The following ICA1L variants were observed in gnomAD, a reference collection of about 807,000 sequenced individuals.
ICA1L encodes islet cell autoantigen 1 like.
In ICA1L, 50 loss-of-function variants were observed where a neutral mutation model predicts 61.3. The ratio of observed to expected loss-of-function variants is 0.82; its 90% CI spans 0.65 to 1.03. The LOEUF (loss-of-function observed/expected upper bound fraction) is 1.03, where lower values mean the gene tolerates loss of function less well. Among genes scored for constraint, ICA1L ranks in the 50% least tolerant of loss-of-function variants. The pLI is 0.00. For missense variants in ICA1L, 508 were observed against 556.7 expected, an observed-to-expected ratio of 0.91 and a Z score of 0.88; for synonymous variants, 161 against 191.3, an observed-to-expected ratio of 0.84 and a Z score of 1.31.
intron 6 of ICA1L, among the ~76,000 whole-genome samples, chr2:202,816,565 G>C (rs1693542742): frequency 6.6e-6 from 1 of 152,140 alleles, no homozygotes; most frequent in Admixed American, 6.6e-5. Flanking sequence ...AGGATGAATG[G>C]AGAGAATAAA....
At chr2:202,813,826 T>C (rs1693449041) in intron 8 of ICA1L, among the ~76,000 whole-genome samples, 1 of 152,234 alleles carries the variant, frequency 6.6e-6, no homozygotes, top group Admixed American at 6.5e-5. Context: ...CAACAGCCCG[T>C]ATTTTCAGGT....
intron 9 of ICA1L, among the ~76,000 whole-genome samples, chr2:202,806,501 C>T (rs553060954): frequency 1.3e-5 from 2 of 151,848 alleles, no homozygotes; most frequent in South Asian, 4.1e-4. Flanking sequence ...CAAAAAATAG[C>T]TGGGTGAGGT....
At chr2:202,793,956 A>C (rs1692836531) in intron 10 of ICA1L, among the ~76,000 whole-genome samples, 1 of 148,462 alleles carries the variant, frequency 6.7e-6, no homozygotes, top group Non-Finnish European at 1.5e-5. Context: ...ATTGTGCTCC[A>C]GCCGGGGCAA....
chr2:202,798,739 T>C (rs967190487), intron 9 of ICA1L, among the ~76,000 whole-genome samples: 1 of 152,200 alleles, frequency 6.6e-6, no homozygotes, highest in African/African-American at 2.4e-5. Context: ...TGTTTGTTTG[T>C]ATCCTGTAAC....
intron 1 of ICA1L, among the ~76,000 whole-genome samples, chr2:202,829,818 ACTTT>A (rs1031923574): frequency 2.6e-5 from 4 of 152,224 alleles, no homozygotes; most frequent in East Asian, 1.9e-4. Context: ...GATGTTTATT[ACTTT>A]CTAAGTTTTG....
rs2036927 is a variant in ICA1L at position 202,775,990 on chromosome 2, T to G, written c.*3543A>C. The G allele has an allele frequency of 3.3e-5, 5 of 152,076 alleles. No homozygotes were observed. The highest frequency in any genetic ancestry group is 5.9e-5 in the Non-Finnish European group (4 of 68,000). 9.4% of individuals were successfully genotyped at this position (152,076 alleles called of 1,614,324 possible). ...ACTCTTGTTTTATGCCTTCTTGCAA[T>G]CTTTATTAAAAGAGGCTCAGAAAAA... is the stretch of plus-strand genomic sequence containing the variant. On this transcript the variant is annotated 3_prime_UTR_variant, in exon 13 of 13. Coordinates refer to ENST00000358299, the MANE Select transcript of ICA1L (RefSeq NM_001288622.3).
intron 5 of ICA1L, 51 bp from the exon 6 acceptor site, chr2:202,817,594 ATGT>A (rs1378938626): frequency 4.8e-6 from 5 of 1,045,954 alleles, no homozygotes; most frequent in Non-Finnish European, 6.8e-6. Flanking sequence ...TAAATATAGT[ATGT>A]TATTACAGAC....
intron 1 of ICA1L, among the ~76,000 whole-genome samples, chr2:202,863,552 C>T (rs549626098): frequency 2.6e-5 from 4 of 151,954 alleles, no homozygotes; most frequent in South Asian, 2.1e-4. Flanking sequence ...AGGCCGGGCG[C>T]GGTGGCTCAC....
At position 202,774,344 on chromosome 2, in the gene ICA1L, C is replaced by A. The variant is rs1692151181; in HGVS notation, c.*5189G>T. 15 of 1,383,576 alleles carry A rather than the reference C, an allele frequency of 1.1e-5. No homozygotes were observed. The highest frequency in any genetic ancestry group is 1.4e-5 in the Non-Finnish European group (15 of 1,076,580). The allele number at this position is 1,383,576 out of a possible 1,614,324, so 85.7% of individuals were successfully genotyped here. Reference sequence around the variant, plus strand: ...TCCCCGCAGCGCTGAGGCGAGCCTGCCGCGCGCTCCGCTCAGCGTGGTCTG... The same window carrying A: ...TCCCCGCAGCGCTGAGGCGAGCCTGACGCGCGCTCCGCTCAGCGTGGTCTG... On this transcript the variant is annotated 3_prime_UTR_variant, in exon 13 of 13. Transcript: ENST00000358299.
intron 9 of ICA1L, among the ~76,000 whole-genome samples, chr2:202,808,552 C>A (rs1327713357): frequency 1.3e-5 from 2 of 152,118 alleles, no homozygotes; most frequent in African/African-American, 4.8e-5. Flanking sequence ...GAGAACGACA[C>A]AAGCCAGGCT....
chr2:202,859,339 T>C (rs1694850173), intron 1 of ICA1L, among the ~76,000 whole-genome samples: 1 of 152,198 alleles, frequency 6.6e-6, no homozygotes, highest in South Asian at 2.1e-4. Flanking sequence ...GAGATACTGA[T>C]CTAGTCCAGG....
At position 202,859,382 on chromosome 2, in the gene ICA1L, C is replaced by G. The variant is rs1384065365; in HGVS notation, c.-8+12237G>C. On this transcript the variant is annotated intron_variant, in intron 1 of 12. Coordinates refer to ENST00000358299, the MANE Select transcript of ICA1L (RefSeq NM_001288622.3). ...TAGTTGAAATTTACACACAGAGATA[C>G]TATAACTCATGCAGAACAAAAATTA... 2.0e-5 allele frequency among the ~76,000 whole-genome samples: 3 copies of G among 152,216 alleles called. No individual in the cohort carries two copies. In the East Asian group the frequency reaches 5.8e-4, roughly 29 times the overall value.
chr2:202,811,174 G>A (rs1189837799), intron 9 of ICA1L, among the ~76,000 whole-genome samples: 3 of 152,074 alleles, frequency 2.0e-5, no homozygotes, highest in African/African-American at 7.2e-5. Flanking sequence ...GGGCATCACG[G>A]AAGCTGCTGA....
rs562230381 is a variant in ICA1L, at chr2:202,777,044, C to CTTTTTTTTTTTT, written c.*2477_*2488dup. The CTTTTTTTTTTTT allele has an allele frequency of 1.4e-3, 97 of 68,584 alleles. 11 individuals are homozygous for CTTTTTTTTTTTT. Among genetic ancestry groups the CTTTTTTTTTTTT allele is most frequent in the African/African-American group, 6.2e-3 (94 of 15,266 alleles). The allele number at this position is 68,584 out of a possible 1,614,324, so 4.2% of individuals were successfully genotyped here. ...ACAAACTCTCAAGACATAAAGTTAG[C>CTTTTTTTTTTTT]TTTTTTTTTTTTTTTTTTTTTTTTT... On this transcript the variant is annotated 3_prime_UTR_variant, in exon 13 of 13. Coordinates refer to ENST00000358299, the MANE Select transcript of ICA1L (RefSeq NM_001288622.3).
chr2:202,777,876 C>CTTTTTTT lies in ICA1L; in HGVS notation c.*1650_*1656dup, dbSNP rs905067239. On this transcript the variant is annotated 3_prime_UTR_variant, in exon 13 of 13. Coordinates refer to ENST00000358299, the MANE Select transcript of ICA1L (RefSeq NM_001288622.3). ...ACTGTGAATAACTTAGTTAAAATGT[C>CTTTTTTT]TTTTTTTTTTTTTTTTTTTTTTGAG... The CTTTTTTT allele has an allele frequency of 2.6e-5, 3 of 116,908 alleles. No homozygotes were observed. The highest frequency in any genetic ancestry group is 6.7e-5 in the African/African-American group (2 of 29,736). 7.2% of individuals were successfully genotyped at this position (116,908 alleles called of 1,614,324 possible). A position where few individuals can be genotyped will look rare whatever the true frequency, so the allele number is the denominator to read the frequency against.
intron 1 of ICA1L, chr2:202,840,348 C>CA: frequency 2.1e-6 from 1 of 485,490 alleles, no homozygotes; most frequent in South Asian, 1.6e-5. Context: ...GGCAGGACAT[C>CA]AGAGGACTCG....
At chr2:202,841,334 C>G in intron 1 of ICA1L, 1 of 786,078 alleles carries the variant, frequency 1.3e-6, no homozygotes. Context: ...TCTCCAGCTG[C>G]TGCTTAAGGC....
chr2:202,828,200 G>A (rs1211650572), intron 2 of ICA1L, among the ~76,000 whole-genome samples: 1 of 151,156 alleles, frequency 6.6e-6, no homozygotes, highest in Non-Finnish European at 1.5e-5. Flanking sequence ...GAAGGCAGAG[G>A]TGGTGGTGAG....
intron 1 of ICA1L, among the ~76,000 whole-genome samples, chr2:202,854,956 G>A (rs1439540625): frequency 6.6e-6 from 1 of 152,074 alleles, no homozygotes; most frequent in Non-Finnish European, 1.5e-5. Context: ...AACCCAGGAG[G>A]CAGAGGTCTC....
Sources: allele counts gnomAD v4.1 joint callset (sites outside exome capture counted in the v4.1 genomes callset), GRCh38; gene constraint gnomAD v4.1.1; transcripts MANE v1.5; gene names NCBI Gene and HGNC (gene_info 2026-07-23, HGNC 2026-07-21).